Variants in TMTC1 observed in about 807,000 individuals in gnomAD.
TMTC1 encodes transmembrane O-mannosyltransferase targeting cadherins 1.
In TMTC1, 73 loss-of-function variants were observed where a neutral mutation model predicts 104.8. That is an observed-to-expected ratio of 0.70 (90% CI 0.58 to 0.85). The LOEUF (loss-of-function observed/expected upper bound fraction) is 0.85, where lower values mean the gene tolerates loss of function less well. Among genes scored for constraint, TMTC1 ranks in the 40% least tolerant of loss-of-function variants. TMTC1 has a pLI of 0.00. For synonymous variants in TMTC1, 434 were observed against 428.7 expected, an observed-to-expected ratio of 1.01 and a Z score of -0.15; for missense variants, 1,035 against 1,096.1, an observed-to-expected ratio of 0.94 and a Z score of 0.79.
chr12:29,518,642 T>C, intron 12 of TMTC1, 35 bp from the exon 13 acceptor site: 6 of 1,605,276 alleles, frequency 3.7e-6, no homozygotes, highest in Non-Finnish European at 5.1e-6. Flanking sequence ...GAGCAGAACA[T>C]GCCTTTTTAT....
At chr12:29,523,376 T>C (rs531896480) in intron 11 of TMTC1, among the ~76,000 whole-genome samples, 1 of 152,284 alleles carries the variant, frequency 6.6e-6, no homozygotes, top group Admixed American at 6.5e-5. Flanking sequence ...ATGGCTGAAT[T>C]GGTTACAGCT....
At chr12:29,754,177 TA>T (rs56884730) in intron 4 of TMTC1, among the ~76,000 whole-genome samples, 119,667 of 140,676 alleles carry the variant, frequency 0.85, 52,525 homozygotes, top group East Asian at 0.98. Context: ...AAAGTTTCTT[TA>T]AAAAAAAAAA....
At chr12:29,602,832 C>A (rs1946602266) in intron 7 of TMTC1, among the ~76,000 whole-genome samples, 1 of 152,094 alleles carries the variant, frequency 6.6e-6, no homozygotes, top group Non-Finnish European at 1.5e-5. Flanking sequence ...ACTTGTGTAG[C>A]ACTAGATTTT....
intron 11 of TMTC1, among the ~76,000 whole-genome samples, chr12:29,529,118 A>C (rs1172800022): frequency 4.6e-5 from 7 of 152,214 alleles, no homozygotes; most frequent in Non-Finnish European, 7.3e-5. Flanking sequence ...TAGCATTTTC[A>C]TAACTGTGGA....
chr12:29,690,390 A>G (rs934379101), intron 5 of TMTC1, among the ~76,000 whole-genome samples: 1 of 152,210 alleles, frequency 6.6e-6, no homozygotes, highest in Non-Finnish European at 1.5e-5. Context: ...TACAATCTCA[A>G]TTACTAAGGC....
In TMTC1 at chr12:29,503,938, G is replaced by A. The variant is rs992827415; in HGVS notation, c.*2908C>T. The A allele has an allele frequency of 6.6e-6, 1 of 152,110 alleles. No individual in the cohort carries two copies. The highest frequency in any genetic ancestry group is 2.4e-5 in the African/African-American group (1 of 41,342). 9.4% of individuals were successfully genotyped at this position (152,110 alleles called of 1,614,324 possible). On this transcript the variant is annotated 3_prime_UTR_variant, in exon 18 of 18. Coordinates refer to ENST00000539277, the MANE Select transcript of TMTC1 (RefSeq NM_001193451.2). ...GTCTCTACAAAAAATACAAAAATTA[G>A]CTGGACATGCTGGCATATGCCTGTA... is the stretch of plus-strand genomic sequence containing the variant.
rs369611907 is a variant in TMTC1, at chr12:29,575,959, G to A, written c.1419-3741C>T. On this transcript the variant is annotated intron_variant, in intron 8 of 17. Coordinates refer to ENST00000539277, the MANE Select transcript of TMTC1 (RefSeq NM_001193451.2). ...CGTCGTAACAGTTGTGGGGTAATAC[G>A]TCATCATGGTTTTGATCTGCGTTTC... is the stretch of plus-strand genomic sequence containing the variant. 1.2e-3 allele frequency among the ~76,000 whole-genome samples: 183 copies of A among 152,208 alleles called. 1 individual carries two copies. The highest frequency in any genetic ancestry group is 0.01 in the Middle Eastern group (3 of 294).
intron 16 of TMTC1, among the ~76,000 whole-genome samples, chr12:29,512,747 C>A (rs146048086): frequency 6.6e-6 from 1 of 152,196 alleles, no homozygotes; most frequent in East Asian, 1.9e-4. Context: ...TAACATGTAT[C>A]CTATTAAATG....
intron 5 of TMTC1, among the ~76,000 whole-genome samples, chr12:29,708,005 C>T (rs756212630): frequency 6.6e-6 from 1 of 152,164 alleles, no homozygotes; most frequent in African/African-American, 2.4e-5. Context: ...TGCTGAGAAA[C>T]GAGGTACTCT....
At chr12:29,556,058 T>A (rs1020993720) in intron 10 of TMTC1, among the ~76,000 whole-genome samples, 26 of 152,104 alleles carry the variant, frequency 1.7e-4, no homozygotes, top group Non-Finnish European at 8.8e-5. Context: ...TAACCTTTTT[T>A]TTTTAAGTTT....
At chr12:29,517,702 A>T in intron 13 of TMTC1, 131 bp from the exon 14 acceptor site, 2 of 1,066,804 alleles carry the variant, frequency 1.9e-6, no homozygotes, top group South Asian at 1.7e-5. Context: ...TTTTATATCA[A>T]TAACAAGGTT....
intron 5 of TMTC1, among the ~76,000 whole-genome samples, chr12:29,670,035 A>G (rs1007725260): frequency 6.6e-6 from 1 of 152,180 alleles, no homozygotes; most frequent in Non-Finnish European, 1.5e-5. Context: ...ATTTCCATCC[A>G]TCCAAGTTTG....
At chr12:29,517,776 C>A (rs1271230098) in intron 13 of TMTC1, among the ~76,000 whole-genome samples, 2 of 151,980 alleles carry the variant, frequency 1.3e-5, no homozygotes, top group African/African-American at 4.8e-5. Flanking sequence ...AGTGCAGTGG[C>A]ACAATCTTGG....
In TMTC1 at chr12:29,578,182, A is replaced by G. The variant is rs190865072; in HGVS notation, c.1418+5225T>C. On this transcript the variant is annotated intron_variant, in intron 8 of 17. Transcript: ENST00000539277. ...TTCATAATGGTAAGAGGAAGTAATA[A>G]TGTTCCTAACAGGCAAGCAGAAGTG... Among the ~76,000 whole-genome samples the G allele has an allele frequency of 2.0e-5, 3 of 152,066 alleles. No individual in the cohort carries two copies. In the East Asian group the frequency reaches 5.9e-4, roughly 30 times the overall value.
intron 9 of TMTC1, among the ~76,000 whole-genome samples, chr12:29,570,889 C>CCA (rs1371219644): frequency 1.4e-5 from 2 of 144,724 alleles, no homozygotes; most frequent in Admixed American, 6.9e-5. Context: ...ACACCCCCCC[C>CCA]CCCCGCCAAA....
intron 10 of TMTC1, among the ~76,000 whole-genome samples, chr12:29,540,117 T>C (rs1335497674): frequency 6.6e-6 from 1 of 152,192 alleles, no homozygotes; most frequent in Non-Finnish European, 1.5e-5. Flanking sequence ...AGCCCCATTC[T>C]GACATCTATA....
At chr12:29,738,220 C>T (rs888091547) in intron 5 of TMTC1, among the ~76,000 whole-genome samples, 1 of 152,152 alleles carries the variant, frequency 6.6e-6, no homozygotes, top group Non-Finnish European at 1.5e-5. Flanking sequence ...GACTTAAACC[C>T]ATTTTATGTG....
chr12:29,571,583 TACAC>T lies in TMTC1; in HGVS notation c.1532+518_1532+521del, dbSNP rs36015543. On this transcript the variant is annotated intron_variant, in intron 9 of 17. Transcript: ENST00000539277. The stretch of plus-strand genomic sequence containing the variant: ...AGGAGAATGTTAATACACACACACA[TACAC>T]ACACACACACACACACACACAATTA... 4.0e-3 allele frequency among the ~76,000 whole-genome samples: 596 copies of T among 148,008 alleles called. 4 individuals carry two copies. The highest frequency in any genetic ancestry group is 0.012 in the African/African-American group (498 of 40,606).
At chr12:29,723,752 G>A (rs1591977259) in intron 5 of TMTC1, among the ~76,000 whole-genome samples, 3 of 151,994 alleles carry the variant, frequency 2.0e-5, no homozygotes, top group African/African-American at 7.3e-5. Flanking sequence ...AAGGAAACCA[G>A]AAACTGATAT....
Sources: gnomAD v4.1 joint callset for allele counts (sites outside exome capture counted in the v4.1 genomes callset) on GRCh38, gnomAD v4.1.1 for gene constraint, MANE v1.5 for transcripts, NCBI Gene and HGNC (gene_info 2026-07-23, HGNC 2026-07-21) for gene names.